ATRN: variants seen among roughly 807,000 people sequenced by gnomAD.
The protein encoded by ATRN is attractin.
ATRN carries 54 observed loss-of-function variants against 178.7 expected under a neutral mutation model. That is an observed-to-expected ratio of 0.30 (90% CI 0.24 to 0.38). ATRN has a LOEUF of 0.38. Among genes scored for constraint, ATRN ranks in the 10% least tolerant of loss-of-function variants. ATRN has a pLI of 1.00. For synonymous variants in ATRN, 636 were observed against 663.0 expected (o/e 0.96, Z 0.63); for missense variants, 1,443 against 1,815.1 (o/e 0.79, Z 3.73).
chr20:3,601,582 G>A (rs2086608166), intron 23 of ATRN, among the ~76,000 whole-genome samples: 1 of 151,812 alleles, frequency 6.6e-6, no homozygotes, highest in Non-Finnish European at 1.5e-5. Flanking sequence ...AAGGATGAAG[G>A]CCAAGTGCTG....
At chr20:3,515,330 T>C (rs762347527) in intron 1 of ATRN, among the ~76,000 whole-genome samples, 1 of 152,170 alleles carries the variant, frequency 6.6e-6, no homozygotes, top group Non-Finnish European at 1.5e-5. Context: ...TTTGAGACAG[T>C]GTGAGATCAC....
intron 6 of ATRN, among the ~76,000 whole-genome samples, chr20:3,554,156 C>CT (rs1037853911): frequency 6.6e-6 from 1 of 151,140 alleles, no homozygotes; most frequent in Non-Finnish European, 1.5e-5. Context: ...TAGATCATAA[C>CT]TTTTTTTTTC....
intron 21 of ATRN, among the ~76,000 whole-genome samples, chr20:3,597,476 G>A (rs1415952682): frequency 6.6e-6 from 1 of 152,212 alleles, no homozygotes. Flanking sequence ...CAGCCCTAAA[G>A]TGATTAGAAT....
chr20:3,622,108 G>A (rs1254495908), intron 24 of ATRN, among the ~76,000 whole-genome samples: 7 of 152,170 alleles, frequency 4.6e-5, no homozygotes, highest in Admixed American at 3.9e-4. Flanking sequence ...TAAAGAGATG[G>A]GGGTGTGGCT....
intron 1 of ATRN, among the ~76,000 whole-genome samples, chr20:3,495,908 A>G (rs2084872493): frequency 6.6e-6 from 1 of 152,156 alleles, no homozygotes; most frequent in African/African-American, 2.4e-5. Context: ...ACCAAAAACT[A>G]ATAAAAATGA....
intron 24 of ATRN, among the ~76,000 whole-genome samples, chr20:3,623,347 G>C (rs967525674): frequency 6.6e-6 from 1 of 152,162 alleles, no homozygotes; most frequent in Non-Finnish European, 1.5e-5. Context: ...GATTATAAAT[G>C]GTAGCCAGAG....
chr20:3,500,115 A>C (rs2084936559), intron 1 of ATRN, among the ~76,000 whole-genome samples: 2 of 152,216 alleles, frequency 1.3e-5, no homozygotes, highest in Admixed American at 1.3e-4. Context: ...AGAGAAATGC[A>C]AATCAAAACC....
At chr20:3,624,486 C>CT in intron 24 of ATRN, 25 bp from the exon 25 acceptor site, 2 of 1,599,528 alleles carry the variant, frequency 1.3e-6, no homozygotes, top group East Asian at 2.2e-5. Context: ...CCTGCATAAT[C>CT]ACACTACCTG....
chr20:3,534,384 A>G (rs544059534), intron 1 of ATRN, among the ~76,000 whole-genome samples: 1 of 152,298 alleles, frequency 6.6e-6, no homozygotes, highest in East Asian at 1.9e-4. Flanking sequence ...GGATGGCTAA[A>G]GAGGGGTGGA....
At chr20:3,633,397 T>G (rs2087003114) in intron 25 of ATRN, among the ~76,000 whole-genome samples, 1 of 152,210 alleles carries the variant, frequency 6.6e-6, no homozygotes, top group Non-Finnish European at 1.5e-5. Context: ...GAGGGCTGTG[T>G]TGGTGTCAGC....
intron 22 of ATRN, among the ~76,000 whole-genome samples, chr20:3,598,574 G>A (rs996341300): frequency 1.3e-5 from 2 of 152,232 alleles, no homozygotes; most frequent in African/African-American, 2.4e-5. Flanking sequence ...AAATATGTAT[G>A]TAAAATGTGG....
At chr20:3,613,344 G>A (rs1487301037) in intron 24 of ATRN, among the ~76,000 whole-genome samples, 14 of 152,156 alleles carry the variant, frequency 9.2e-5, no homozygotes, top group Admixed American at 8.5e-4. Context: ...TGAGAGCCTG[G>A]TTGACACTGG....
intron 1 of ATRN, among the ~76,000 whole-genome samples, chr20:3,523,853 A>G (rs1183360144): frequency 6.6e-6 from 1 of 152,232 alleles, no homozygotes; most frequent in Non-Finnish European, 1.5e-5. Context: ...AATTATTTAC[A>G]GACAAGCAAT....
chr20:3,508,133 G>C (rs929847522), intron 1 of ATRN, among the ~76,000 whole-genome samples: 1 of 151,772 alleles, frequency 6.6e-6, no homozygotes, highest in Non-Finnish European at 1.5e-5. Context: ...ATGATTCCTT[G>C]AGCCCAGGAG....
intron 22 of ATRN, among the ~76,000 whole-genome samples, chr20:3,600,079 T>C (rs2086588268): frequency 6.6e-6 from 1 of 152,178 alleles, no homozygotes; most frequent in Non-Finnish European, 1.5e-5. Flanking sequence ...AATATAACAT[T>C]GATTAGTTTG....
intron 25 of ATRN, among the ~76,000 whole-genome samples, chr20:3,631,328 G>GAA (rs2086988210): frequency 6.6e-6 from 1 of 152,058 alleles, no homozygotes; most frequent in Admixed American, 6.6e-5. Context: ...TCTGAAGAAT[G>GAA]GCTCATATAA....
chr20:3,471,573 G>T, intron 1 of ATRN, 56 bp downstream of exon 1: 3 of 1,364,476 alleles, frequency 2.2e-6, no homozygotes, highest in Non-Finnish European at 2.8e-6. Context: ...GGGCTGAGGG[G>T]CGTTCGAGAC....
At chr20:3,577,720 G>GAA (rs751964928) in intron 14 of ATRN, among the ~76,000 whole-genome samples, 1 of 152,164 alleles carries the variant, frequency 6.6e-6, no homozygotes, top group African/African-American at 2.4e-5. Flanking sequence ...TAAGGTACAG[G>GAA]AAAAGACCTG....
intron 1 of ATRN, among the ~76,000 whole-genome samples, chr20:3,523,020 A>G (rs1183044020): frequency 6.6e-6 from 1 of 152,118 alleles, no homozygotes; most frequent in Non-Finnish European, 1.5e-5. Flanking sequence ...CCAGAGGATC[A>G]CAACTCCTCG....
Sources: allele counts gnomAD v4.1 joint callset (sites outside exome capture counted in the v4.1 genomes callset), GRCh38; gene constraint gnomAD v4.1.1; transcripts MANE v1.5; gene names NCBI Gene and HGNC (gene_info 2026-07-23, HGNC 2026-07-21).